GPM6A: variants seen among roughly 807,000 people sequenced by gnomAD.
The protein encoded by GPM6A is neuronal membrane glycoprotein M6-a.
Under a neutral mutation model 32.1 loss-of-function variants are expected in GPM6A, and 7 were observed. That is an observed-to-expected ratio of 0.22 (90% confidence interval 0.12 to 0.41). The LOEUF (loss-of-function observed/expected upper bound fraction) is 0.41. Among genes scored for constraint, GPM6A ranks in the 10% least tolerant of loss-of-function variants. GPM6A has a pLI of 1.00. For synonymous variants in GPM6A, 130 were observed against 123.4 expected, an observed-to-expected ratio of 1.05 and a Z score of -0.35; for missense variants, 235 against 347.2, an observed-to-expected ratio of 0.68 and a Z score of 2.57.
chr4:175,985,072 AATTT>A (rs1740934306), intron 1 of GPM6A, among the ~76,000 whole-genome samples: 2 of 152,182 alleles, frequency 1.3e-5, no homozygotes, highest in African/African-American at 4.8e-5. Flanking sequence ...GAATTATGTC[AATTT>A]ATAGAACATC....
At chr4:175,652,269 T>A (rs1232195759) in intron 3 of GPM6A, among the ~76,000 whole-genome samples, 2 of 152,186 alleles carry the variant, frequency 1.3e-5, no homozygotes, top group Non-Finnish European at 2.9e-5. Flanking sequence ...GTATTTAACT[T>A]TCAAATCTCA....
chr4:175,830,470 G>C (rs1034636555), intron 1 of GPM6A, among the ~76,000 whole-genome samples: 11 of 152,154 alleles, frequency 7.2e-5, no homozygotes, highest in African/African-American at 2.2e-4. Context: ...ACCGGACACT[G>C]TTCTTCACAC....
At chr4:175,684,425 T>C in intron 2 of GPM6A, among the ~76,000 whole-genome samples, 1 of 152,192 alleles carries the variant, frequency 6.6e-6, no homozygotes, top group East Asian at 1.9e-4. Context: ...GTGTCCAGTT[T>C]CATTTTATTA....
chr4:175,731,138 C>A (rs952082492), intron 1 of GPM6A, among the ~76,000 whole-genome samples: 3 of 151,850 alleles, frequency 2.0e-5, no homozygotes, highest in Non-Finnish European at 4.4e-5. Context: ...AAAAAGATAC[C>A]ACGGCACATC....
At chr4:175,757,259 TC>T (rs1227564286) in intron 1 of GPM6A, among the ~76,000 whole-genome samples, 1 of 151,616 alleles carries the variant, frequency 6.6e-6, no homozygotes, top group Non-Finnish European at 1.5e-5. Context: ...AACTGAGGAC[TC>T]CCCCTGAGAG....
intron 1 of GPM6A, among the ~76,000 whole-genome samples, chr4:175,871,767 T>C (rs2111439718): frequency 6.6e-6 from 1 of 152,318 alleles, no homozygotes; most frequent in Non-Finnish European, 1.5e-5. Context: ...ATTATGACTC[T>C]TTAACCTTGG....
chr4:175,813,038 T>TTTAAG, upstream of GPM6A: 1 of 983,718 alleles, frequency 1.0e-6, no homozygotes, highest in Non-Finnish European at 1.2e-6. Context: ...AGATACATGT[T>TTTAAG]TTAAGTAATT....
intron 1 of GPM6A, 84 bp from the exon 2 acceptor site, chr4:175,701,851 G>A: frequency 1.1e-6 from 1 of 913,402 alleles, no homozygotes; most frequent in African/African-American, 1.7e-5. Flanking sequence ...CTATGGGAAA[G>A]TATATTTGCA....
At chr4:175,949,515 C>T (rs1739731746) in intron 1 of GPM6A, among the ~76,000 whole-genome samples, 1 of 152,134 alleles carries the variant, frequency 6.6e-6, no homozygotes, top group South Asian at 2.1e-4. Context: ...TCATCATTAA[C>T]TGTGTTTGGC....
intron 1 of GPM6A, among the ~76,000 whole-genome samples, chr4:175,713,003 G>A (rs751255215): frequency 4.7e-4 from 71 of 152,120 alleles, no homozygotes; most frequent in Non-Finnish European, 1.2e-4. Context: ...ATTAGTGACC[G>A]TGGGCTTGGA....
At position 175,887,322 on chromosome 4, in the gene GPM6A, G is replaced by A. The variant is rs541473561; in HGVS notation, c.-22-75073C>T. On this transcript the variant is annotated intron_variant, in intron 1 of 7. Coordinates refer to the GPM6A transcript ENST00000280187. ...TTTAAGTTAAAAACTTCTAAATCAC[G>A]TGTGGGTTAAAGAAAAATTAATAAT... Among the ~76,000 whole-genome samples the A allele has an allele frequency of 1.8e-3, 277 of 151,928 alleles. 2 individuals carry two copies. In the South Asian group the frequency reaches 0.019, roughly 10 times the overall value.
chr4:175,713,037 T>C (rs1164675043), intron 1 of GPM6A, among the ~76,000 whole-genome samples: 1 of 152,128 alleles, frequency 6.6e-6, no homozygotes, highest in East Asian at 1.9e-4. Flanking sequence ...CAAAGAATAG[T>C]AGACTAAAAA....
At chr4:175,718,474 G>A (rs1579422180) in intron 1 of GPM6A, among the ~76,000 whole-genome samples, 1 of 152,008 alleles carries the variant, frequency 6.6e-6, no homozygotes, top group Admixed American at 6.6e-5. Context: ...AAAATAGCTG[G>A]GTGTAATGGT....
At chr4:175,853,468 C>G (rs1223699127) in intron 1 of GPM6A, among the ~76,000 whole-genome samples, 1 of 147,990 alleles carries the variant, frequency 6.8e-6, no homozygotes, top group South Asian at 2.1e-4. Flanking sequence ...AATAGTGCAA[C>G]ACAAATCAGA....
At chr4:175,975,527 G>A (rs1740631896) in intron 1 of GPM6A, among the ~76,000 whole-genome samples, 1 of 152,136 alleles carries the variant, frequency 6.6e-6, no homozygotes, top group Non-Finnish European at 1.5e-5. Context: ...AATTTATTTA[G>A]CGAGTAAATG....
chr4:175,908,081 G>A (rs1293430741), intron 1 of GPM6A, among the ~76,000 whole-genome samples: 1 of 152,000 alleles, frequency 6.6e-6, no homozygotes, highest in Non-Finnish European at 1.5e-5. Flanking sequence ...GTAGAAAAAA[G>A]AATATATTAA....
In GPM6A at chr4:175,961,951, C is replaced by T. The variant is rs1257071062; in HGVS notation, c.-23+40358G>A. ...ACAGGACAGGACAGGACAGTGCTGC[C>T]CCTCACCCAACCTTACCACCACAGC... On this transcript the variant is annotated intron_variant, in intron 1 of 7. Transcript: ENST00000280187. 8.3e-6 allele frequency: 4 copies of T among 484,248 alleles called. No homozygotes were observed. In the East Asian group the frequency reaches 1.7e-4, roughly 21 times the overall value. 30.0% of individuals were successfully genotyped at this position (484,248 alleles called of 1,614,324 possible).
chr4:175,715,743 A>G (rs1745806639), intron 1 of GPM6A, among the ~76,000 whole-genome samples: 1 of 149,282 alleles, frequency 6.7e-6, no homozygotes, highest in Non-Finnish European at 1.5e-5. Context: ...GAATCTCTTC[A>G]CTAAACTATG....
chr4:175,879,155 C>T (rs887407779), intron 1 of GPM6A, among the ~76,000 whole-genome samples: 1 of 152,126 alleles, frequency 6.6e-6, no homozygotes, highest in African/African-American at 2.4e-5. Flanking sequence ...TCATTATTAG[C>T]ATTTTGGTCA....
Sources: gnomAD v4.1 joint callset for allele counts (sites outside exome capture counted in the v4.1 genomes callset) on GRCh38, gnomAD v4.1.1 for gene constraint, MANE v1.5 for transcripts, NCBI Gene and HGNC (gene_info 2026-07-23, HGNC 2026-07-21) for gene names.